AMER3: variants seen among roughly 807,000 people sequenced by gnomAD.
AMER3 encodes the protein APC membrane recruitment protein 3, also known as family with sequence similarity 123C.
For missense variants in AMER3, 1,201 were observed against 1,139.4 expected, an observed-to-expected ratio of 1.05 and a Z score of -0.78; for synonymous variants, 541 against 485.5, an observed-to-expected ratio of 1.11 and a Z score of -1.50.
intron 1 of AMER3, among the ~76,000 whole-genome samples, chr2:130,761,305 G>C (rs969933372): frequency 1.3e-5 from 2 of 152,202 alleles, no homozygotes; most frequent in African/African-American, 4.8e-5. Flanking sequence ...ATTGAACTCA[G>C]ACCAGGCATC....
chr2:130,764,027 G>T lies in AMER3; in HGVS notation c.1955G>T (p.Gly652Val), dbSNP rs775740428. 70 of 1,612,924 alleles carry T rather than the reference G, an allele frequency of 4.3e-5. No homozygotes were observed. In the Admixed American group the frequency reaches 1.2e-3, roughly 27 times the overall value. ...GAGCCTGGGCCACCAGGGGTCCTGG[G>T]GTGTTTCCGAGGCCCCTGGAGGCCA... ...QKEPGPPGVLGCFRGPWRPGH... is the reference protein window; with the variant it reads ...QKEPGPPGVLVCFRGPWRPGH... Residue 652 changes from glycine (G) to valine (V), a missense_variant, in exon 2 of 2, where the codon GGG becomes GTG. Transcript: ENST00000321420.
rs375834725 is a variant in AMER3 at position 130,762,606 on chromosome 2, G to C, written c.534G>C (p.Ala178=). 3 of 1,612,434 alleles carry C rather than the reference G, an allele frequency of 1.9e-6. No homozygotes were observed. In the African/African-American group the frequency reaches 4.0e-5, roughly 22 times the overall value. ...RNKTEDLASL[A]AEGKSLPSPG... ...AGACTGAGGACTTGGCCTCGCTGGC[G>C]GCCGAGGGGAAAAGCCTGCCCTCCC... The change falls in exon 2 of 2, where the codon GCG becomes GCC. Residue 178 remains alanine (A), a synonymous_variant. Coordinates refer to ENST00000321420, the MANE Select transcript of AMER3 (RefSeq NM_152698.3).
chr2:130,764,075 A>C lies in AMER3; in HGVS notation c.2003A>C (p.Asp668Ala). The change falls in exon 2 of 2, where the codon GAT becomes GCT. Residue 668 changes from aspartate (D) to alanine (A), a missense_variant. Asp to Ala is a moderately radical substitution (Grantham distance 126). Transcript: ENST00000321420. ...CCAGGTCACGGAGGTGACACTCTGG[A>C]TGCAGAGCCCATGCTGGCAGGCTGT... ...WRPGHGGDTL[D>A]AEPMLAGCVA... The C allele has an allele frequency of 6.2e-7, 1 of 1,612,206 alleles. No individual in the cohort carries two copies. The highest frequency in any genetic ancestry group is 1.7e-4 in the Middle Eastern group (1 of 6,038).
rs1168360465 is a variant in AMER3 at position 130,764,727 on chromosome 2, A to G, written c.*69A>G. ...ACTTTCAGGAGAGCCTAGGACTCAA[A>G]TCTCTATCTTTTGTCCCTGATGTGG... On this transcript the variant is annotated 3_prime_UTR_variant, in exon 2 of 2. Transcript: ENST00000321420. 1.4e-6 allele frequency: 2 copies of G among 1,433,120 alleles called. No individual in the cohort carries two copies. Among genetic ancestry groups the G allele is most frequent in the Non-Finnish European group, 1.9e-6 (2 of 1,076,822 alleles). 88.8% of individuals were successfully genotyped at this position (1,433,120 alleles called of 1,614,324 possible). A position where few individuals can be genotyped will look rare whatever the true frequency, so the allele number is the denominator to read the frequency against.
Position 130,763,419 on chromosome 2 carries a change from A to T in AMER3, c.1347A>T (p.Ser449=), listed in dbSNP as rs750716217. Residue 449 remains serine (S), a synonymous_variant, in exon 2 of 2, where the codon TCA becomes TCT. Transcript: ENST00000321420. ...DDDLCVSESL[S]GPALGTPLSI... Reference sequence around the variant, plus strand: ...ACCTGTGCGTGTCTGAGAGTCTGTCAGGGCCGGCCCTGGGGACGCCACTGT... The same window carrying T: ...ACCTGTGCGTGTCTGAGAGTCTGTCTGGGCCGGCCCTGGGGACGCCACTGT... 8.1e-6 allele frequency: 13 copies of T among 1,612,906 alleles called. No individual in the cohort carries two copies. The East Asian group carries it at 2.7e-4, about 33-fold the overall frequency.
chr2:130,764,664 G>A lies in AMER3; in HGVS notation c.*6G>A. Reference sequence around the variant, plus strand: ...TGGCTGAGCCCCATCTGTAGGACAGGCTCACATGCACCAGGAACTGCATGT... The same window carrying A: ...TGGCTGAGCCCCATCTGTAGGACAGACTCACATGCACCAGGAACTGCATGT... On this transcript the variant is annotated 3_prime_UTR_variant, in exon 2 of 2. Transcript: ENST00000321420. The A allele has an allele frequency of 6.3e-7, 1 of 1,592,218 alleles. No individual in the cohort carries two copies. The highest frequency in any genetic ancestry group is 8.5e-7 in the Non-Finnish European group (1 of 1,171,938).
rs776653160 is a variant in AMER3, at chr2:130,763,828, G to A, written c.1756G>A (p.Gly586Arg). Reference protein sequence around the residue: ...GLLAGESKALGGATQGTGTLS... With the variant: ...GLLAGESKALRGATQGTGTLS... The stretch of plus-strand genomic sequence containing the variant: ...GCTCGCCGGAGAGAGCAAGGCCCTC[G>A]GAGGGGCCACACAAGGGACTGGCAC... Residue 586 changes from glycine (G) to arginine (R), a missense_variant, in exon 2 of 2, where the codon GGA (glycine) becomes AGA (arginine). Gly to Arg is a moderately radical substitution (Grantham distance 125). Transcript: ENST00000321420. 52 of 1,613,016 alleles carry A rather than the reference G, an allele frequency of 3.2e-5. No homozygotes were observed. The highest frequency in any genetic ancestry group is 6.6e-5 in the South Asian group (6 of 91,082).
chr2:130,764,775 T>G lies in AMER3; in HGVS notation c.*117T>G. 476 of 1,049,090 alleles carry G rather than the reference T, an allele frequency of 4.5e-4. No individual in the cohort carries two copies. The highest frequency in any genetic ancestry group is 4.4e-4 in the Non-Finnish European group (332 of 750,288). The allele number at this position is 1,049,090 out of a possible 1,614,324, so 65.0% of individuals were successfully genotyped here. The stretch of plus-strand genomic sequence containing the variant: ...TGGGGACTGTGTTGGGGGTGGGGGG[T>G]GGCAGGACTCAGGCATGCAGAGGGT... On this transcript the variant is annotated 3_prime_UTR_variant, in exon 2 of 2. Coordinates refer to ENST00000321420, the MANE Select transcript of AMER3 (RefSeq NM_152698.3).
Position 130,762,325 on chromosome 2 carries a change from A to G in AMER3, c.253A>G (p.Thr85Ala), listed in dbSNP as rs573327367. The change falls in exon 2 of 2, where the codon ACC becomes GCC. Residue 85 changes from threonine to alanine, a missense_variant. Physicochemically the swap from Thr to Ala is moderately conservative, Grantham distance 58. Transcript: ENST00000321420. Reference sequence around the variant, plus strand: ...GGGACCCGCAGCCCTCTGTGGAGCCACCTTCAAACCGGTGCGAAAGTGCAA... The same window carrying G: ...GGGACCCGCAGCCCTCTGTGGAGCCGCCTTCAAACCGGTGCGAAAGTGCAA... ...KGGPAALCGA[T>A]FKPVRKCKTH... 4.4e-4 allele frequency: 711 copies of G among 1,609,482 alleles called. 5 individuals are homozygous for G. The South Asian group carries it at 7.6e-3, about 17-fold the overall frequency.
At chr2:130,761,635 C>T (rs1678782884) in intron 1 of AMER3, among the ~76,000 whole-genome samples, 1 of 152,204 alleles carries the variant, frequency 6.6e-6, no homozygotes, top group Admixed American at 6.5e-5. Flanking sequence ...GTGTGGGTGT[C>T]CCTTTAGCTG....
Position 130,764,040 on chromosome 2 carries a change from C to T in AMER3, c.1968C>T (p.Gly656=), listed in dbSNP as rs971894847. Residue 656 remains glycine, a synonymous_variant, in exon 2 of 2, where the codon GGC becomes GGT. Coordinates refer to ENST00000321420, the MANE Select transcript of AMER3 (RefSeq NM_152698.3). ...GPPGVLGCFR[G]PWRPGHGGDT... is the part of the protein sequence containing the mutation. The stretch of plus-strand genomic sequence containing the variant: ...CAGGGGTCCTGGGGTGTTTCCGAGG[C>T]CCCTGGAGGCCAGGTCACGGAGGTG... The T allele has an allele frequency of 1.4e-5, 23 of 1,612,680 alleles. No individual in the cohort carries two copies. In the African/African-American group the frequency reaches 2.1e-4, roughly 15 times the overall value.
Position 130,763,094 on chromosome 2 carries a change from G to T in AMER3, c.1022G>T (p.Arg341Leu). The T allele has an allele frequency of 6.2e-7, 1 of 1,613,194 alleles. No homozygotes were observed. The highest frequency in any genetic ancestry group is 1.1e-5 in the South Asian group (1 of 91,070). ...GPQGTDRDQS[R>L]LDTAGLAELP... ...CAGGGGACAGACAGGGACCAATCCC[G>T]GCTGGACACAGCTGGGCTCGCTGAG... Residue 341 changes from arginine (R) to leucine (L), a missense_variant, in exon 2 of 2, where the codon CGG becomes CTG. Coordinates refer to ENST00000321420, the MANE Select transcript of AMER3 (RefSeq NM_152698.3).
intron 1 of AMER3, among the ~76,000 whole-genome samples, chr2:130,761,754 T>G (rs1678787440): frequency 6.6e-6 from 1 of 152,150 alleles, no homozygotes; most frequent in Non-Finnish European, 1.5e-5. Flanking sequence ...GAGCTGTTTG[T>G]AGAACGCTGG....
rs186637610 is a variant in AMER3, at chr2:130,762,021, A to G, written c.-19-33A>G. ...TCCAGAGCCCAGGGCCCTCCCGTCTATGATACTGAGTGCCTCCTGCTTTCC... is the reference window on the plus strand; with the variant it reads ...TCCAGAGCCCAGGGCCCTCCCGTCTGTGATACTGAGTGCCTCCTGCTTTCC... On this transcript the variant is annotated intron_variant, in intron 1 of 1. Transcript: ENST00000321420. 1,345 of 1,573,940 alleles carry G rather than the reference A, an allele frequency of 8.5e-4. 13 individuals carry two copies. In the African/African-American group the frequency reaches 0.015, roughly 17 times the overall value.
In AMER3 at chr2:130,763,181, G is replaced by C; in HGVS notation, c.1109G>C (p.Gly370Ala). 1.2e-6 allele frequency: 2 copies of C among 1,613,586 alleles called. No individual in the cohort carries two copies. Among genetic ancestry groups the C allele is most frequent in the South Asian group, 1.1e-5 (1 of 91,078 alleles). Residue 370 changes from glycine (G) to alanine (A), a missense_variant, in exon 2 of 2, where the codon GGC becomes GCC. Physicochemically the swap from Gly to Ala is moderately conservative, Grantham distance 60 (BLOSUM62 0). Coordinates refer to ENST00000321420, the MANE Select transcript of AMER3 (RefSeq NM_152698.3). ...SGSKASSIDT[G>A]TPKSEQPESV... Reference sequence around the variant, plus strand: ...TCCAAAGCCAGCTCCATCGACACAGGCACCCCCAAGAGCGAGCAGCCCGAA... The same window carrying C: ...TCCAAAGCCAGCTCCATCGACACAGCCACCCCCAAGAGCGAGCAGCCCGAA...
intron 1 of AMER3, among the ~76,000 whole-genome samples, chr2:130,758,574 T>C (rs983054658): frequency 6.6e-6 from 1 of 152,238 alleles, no homozygotes; most frequent in African/African-American, 2.4e-5. Flanking sequence ...ATCTCAAATA[T>C]AAAATAGTTC....
intron 1 of AMER3, among the ~76,000 whole-genome samples, chr2:130,758,449 A>AGAAG (rs369545914): frequency 6.6e-5 from 10 of 151,904 alleles, no homozygotes; most frequent in African/African-American, 2.2e-4. Flanking sequence ...AAGGAAGGAA[A>AGAAG]GAAGGAAGGA....
chr2:130,760,756 C>T (rs775524265), intron 1 of AMER3, among the ~76,000 whole-genome samples: 1 of 152,054 alleles, frequency 6.6e-6, no homozygotes, highest in Non-Finnish European at 1.5e-5. Flanking sequence ...ACTCAGTCTG[C>T]CCTCTCTTCC....
rs773354637 is a variant in AMER3 at position 130,762,368 on chromosome 2, C to A, written c.296C>A (p.Ser99Tyr). ...VRKCKTHDSMSGAGRATAATG... is the reference protein window; with the variant it reads ...VRKCKTHDSMYGAGRATAATG... ...AAGTGCAAGACTCACGACAGCATGT[C>A]TGGGGCAGGCAGGGCCACGGCTGCC... The change falls in exon 2 of 2, where the codon TCT (serine) becomes TAT (tyrosine). Residue 99 changes from serine to tyrosine, a missense_variant. Coordinates refer to ENST00000321420, the MANE Select transcript of AMER3 (RefSeq NM_152698.3). The A allele has an allele frequency of 8.1e-6, 13 of 1,612,120 alleles. No individual in the cohort carries two copies. Among genetic ancestry groups the A allele is most frequent in the South Asian group, 2.2e-5 (2 of 90,994 alleles).
Sources: gnomAD v4.1 joint callset for allele counts (sites outside exome capture counted in the v4.1 genomes callset) on GRCh38, gnomAD v4.1.1 for gene constraint, MANE v1.5 for transcripts, NCBI Gene and HGNC (gene_info 2026-07-23, HGNC 2026-07-21) for gene names.